The following SCHIP1 variants were observed in gnomAD, a reference collection of about 807,000 sequenced individuals.
The protein encoded by SCHIP1 is schwannomin interacting protein 1.
A neutral mutation model predicts 29.7 loss-of-function variants in SCHIP1; 8 were observed. The ratio of observed to expected loss-of-function variants is 0.27; its 90% CI spans 0.16 to 0.49. The LOEUF (loss-of-function observed/expected upper bound fraction) is 0.49, where lower values mean the gene tolerates loss of function less well. Among genes scored for constraint, SCHIP1 ranks in the 20% least tolerant of loss-of-function variants. SCHIP1 has a pLI of 0.99. For missense variants in SCHIP1, 193 were observed against 294.6 expected (o/e 0.66, Z 2.52); for synonymous variants, 76 against 94.9 (o/e 0.80, Z 1.16).
the SCHIP1 span, among the ~76,000 whole-genome samples, chr3:159,325,168 C>G: frequency 6.6e-6 from 1 of 152,034 alleles, no homozygotes; most frequent in Non-Finnish European, 1.5e-5. Flanking sequence ...TATCCGAGAC[C>G]TTATCCTCAC....
At chr3:159,883,850 CT>C (rs80309041) in intron 2 of SCHIP1, among the ~76,000 whole-genome samples, 20 of 150,154 alleles carry the variant, frequency 1.3e-4, no homozygotes, top group East Asian at 1.2e-3. Flanking sequence ...TCTCCCCCAA[CT>C]TTTTTTTTTC....
chr3:159,401,225 A>G, the SCHIP1 span: 1 of 921,914 alleles, frequency 1.1e-6, no homozygotes, highest in Non-Finnish European at 1.3e-6. Context: ...TGAACTGACC[A>G]TTATTCCACT....
chr3:159,886,739 T>A (rs1716998299), intron 3 of SCHIP1: 1 of 169,024 alleles, frequency 5.9e-6, no homozygotes, highest in Non-Finnish European at 1.3e-5. Flanking sequence ...CGGGGCAACA[T>A]AGTGAGACCC....
chr3:159,335,379 A>G, the SCHIP1 span, among the ~76,000 whole-genome samples: 336 of 152,138 alleles, frequency 2.2e-3, 1 homozygote, highest in African/African-American at 7.9e-3. Flanking sequence ...TTTAGGGTAC[A>G]TGTGCACAAT....
chr3:159,554,010 GTGTGTGTGTT>G, the SCHIP1 span, among the ~76,000 whole-genome samples: 71 of 112,994 alleles, frequency 6.3e-4, no homozygotes, highest in African/African-American at 2.0e-3. Flanking sequence ...GTGTGTGTGT[GTGTGTGTGTT>G]TGTGTATGTG....
At chr3:159,728,004 T>TG in the SCHIP1 span, among the ~76,000 whole-genome samples, 1 of 144,812 alleles carries the variant, frequency 6.9e-6, no homozygotes, top group African/African-American at 2.6e-5. Flanking sequence ...CTGTTTTTGT[T>TG]TTTTTTTTTT....
At chr3:159,676,487 A>G in the SCHIP1 span, among the ~76,000 whole-genome samples, 3 of 152,350 alleles carry the variant, frequency 2.0e-5, no homozygotes, top group South Asian at 6.2e-4. Context: ...TACATAGAAT[A>G]CTGAGTTGGC....
the SCHIP1 span, among the ~76,000 whole-genome samples, chr3:159,700,006 T>C: frequency 6.6e-6 from 1 of 152,182 alleles, no homozygotes; most frequent in Non-Finnish European, 1.5e-5. Flanking sequence ...TGTTCTATAA[T>C]GCCAGGCCAT....
At chr3:159,331,180 G>T in the SCHIP1 span, among the ~76,000 whole-genome samples, 1 of 152,116 alleles carries the variant, frequency 6.6e-6, no homozygotes, top group Non-Finnish European at 1.5e-5. Context: ...TCCACTGGGG[G>T]GCCACTGAAG....
chr3:159,588,516 G>C, the SCHIP1 span, among the ~76,000 whole-genome samples: 132 of 152,286 alleles, frequency 8.7e-4, 1 homozygote, highest in South Asian at 0.014. Flanking sequence ...TGCTTTTGCT[G>C]TTTTAGACAT....
the SCHIP1 span, among the ~76,000 whole-genome samples, chr3:159,360,713 G>GT: frequency 1.3e-5 from 2 of 152,134 alleles, no homozygotes; most frequent in Non-Finnish European, 1.5e-5. Context: ...ACAAGATAAT[G>GT]TTCTAATAAA....
At chr3:159,624,406 G>T in the SCHIP1 span, among the ~76,000 whole-genome samples, 1 of 152,218 alleles carries the variant, frequency 6.6e-6, no homozygotes, top group Admixed American at 6.5e-5. Context: ...ACAACTCAGT[G>T]ATTGCCTTTA....
the SCHIP1 span, among the ~76,000 whole-genome samples, chr3:159,531,251 A>T: frequency 6.6e-6 from 1 of 152,282 alleles, no homozygotes; most frequent in South Asian, 2.1e-4. Context: ...CATATTAATT[A>T]CTCACTGCAG....
chr3:159,705,558 A>G, the SCHIP1 span, among the ~76,000 whole-genome samples: 1 of 152,034 alleles, frequency 6.6e-6, no homozygotes, highest in Non-Finnish European at 1.5e-5. Flanking sequence ...GGAGTCAGGG[A>G]TAGGGGAGAG....
At chr3:159,504,831 C>T in the SCHIP1 span, among the ~76,000 whole-genome samples, 1 of 152,176 alleles carries the variant, frequency 6.6e-6, no homozygotes, top group African/African-American at 2.4e-5. Context: ...TTTCACTGAG[C>T]TGACAGTCCA....
At chr3:159,639,217 ATC>A in the SCHIP1 span, among the ~76,000 whole-genome samples, 624 of 152,264 alleles carry the variant, frequency 4.1e-3, 4 homozygotes, top group African/African-American at 0.014. Context: ...TTATTGATTC[ATC>A]TCAGCTCTCC....
At chr3:159,363,600 T>A in the SCHIP1 span, among the ~76,000 whole-genome samples, 1 of 152,194 alleles carries the variant, frequency 6.6e-6, no homozygotes, top group African/African-American at 2.4e-5. Flanking sequence ...TGCTTTACTA[T>A]CTTGGATTTG....
At chr3:159,528,055 G>A in the SCHIP1 span, among the ~76,000 whole-genome samples, 1 of 152,124 alleles carries the variant, frequency 6.6e-6, no homozygotes, top group Admixed American at 6.5e-5. Flanking sequence ...CTAATGATGT[G>A]CTAATTACCT....
upstream of SCHIP1, among the ~76,000 whole-genome samples, chr3:159,839,291 A>G (rs73168573): frequency 0.17 from 23,356 of 134,560 alleles, 1,895 homozygotes; most frequent in African/African-American, 0.3. Flanking sequence ...CCTTACATTA[A>G]AAAAAAAAAA....
Sources: gnomAD v4.1 joint callset for allele counts (sites outside exome capture counted in the v4.1 genomes callset) on GRCh38, gnomAD v4.1.1 for gene constraint, MANE v1.5 for transcripts, NCBI Gene and HGNC (gene_info 2026-07-23, HGNC 2026-07-21) for gene names.